The following SMAGP variants were observed in gnomAD, a reference collection of about 807,000 sequenced individuals.
The protein encoded by SMAGP is small cell adhesion glycoprotein.
SMAGP carries 7 observed loss-of-function variants against 10.1 expected under a neutral mutation model. The observed-to-expected ratio is 0.70, with a 90% CI of 0.40 to 1.31. The LOEUF (loss-of-function observed/expected upper bound fraction) is 1.31. SMAGP is among the 50% of genes most tolerant of loss of function. SMAGP has a pLI of 0.01. For synonymous variants in SMAGP, 49 were observed against 47.2 expected (o/e 1.04, Z -0.16); for missense variants, 113 against 116.5 (o/e 0.97, Z 0.14).
intron 2 of SMAGP, among the ~76,000 whole-genome samples, chr12:51,261,174 C>A (rs1175108389): frequency 6.8e-6 from 1 of 146,724 alleles, no homozygotes; most frequent in Non-Finnish European, 1.5e-5. Context: ...TGGCTCACTG[C>A]AACCTCCGCC....
intron 2 of SMAGP, among the ~76,000 whole-genome samples, chr12:51,252,690 G>A (rs541031366): frequency 9.4e-5 from 14 of 149,320 alleles, no homozygotes; most frequent in East Asian, 4.7e-4. Flanking sequence ...ATCGCCCCCC[G>A]AAGGACAATT....
intron 2 of SMAGP, among the ~76,000 whole-genome samples, chr12:51,247,291 C>CATTAT (rs1348395406): frequency 6.6e-6 from 1 of 152,178 alleles, no homozygotes; most frequent in Non-Finnish European, 1.5e-5. Context: ...TATATATTTA[C>CATTAT]ATTATATTAT....
chr12:51,267,993 T>A (rs77526173), intron 2 of SMAGP, among the ~76,000 whole-genome samples: 3,221 of 152,306 alleles, frequency 0.021, 50 homozygotes, highest in Non-Finnish European at 0.034. Context: ...CAAGGGTTTG[T>A]TCCTCTCTCT....
chr12:51,262,383 G>A (rs562061051), intron 2 of SMAGP, among the ~76,000 whole-genome samples: 1 of 152,298 alleles, frequency 6.6e-6, no homozygotes, highest in African/African-American at 2.4e-5. Context: ...GGGAGGCTGA[G>A]GTGGGAGGAT....
At chr12:51,246,197 G>C (rs1251360930) in intron 3 of SMAGP, 78 bp from the exon 4 acceptor site, 8 of 1,553,834 alleles carry the variant, frequency 5.1e-6, no homozygotes, top group Non-Finnish European at 6.1e-6. Context: ...ATCTGATTTA[G>C]TCACTGTTTT....
intron 2 of SMAGP, among the ~76,000 whole-genome samples, chr12:51,255,851 A>C (rs536742268): frequency 6.6e-6 from 1 of 151,988 alleles, no homozygotes; most frequent in South Asian, 2.1e-4. Flanking sequence ...AGCTTATTGC[A>C]GCCTCCGCCT....
chr12:51,247,760 T>C (rs1179040531), intron 2 of SMAGP, among the ~76,000 whole-genome samples: 3 of 152,168 alleles, frequency 2.0e-5, no homozygotes, highest in South Asian at 2.1e-4. Flanking sequence ...ACTCACCCAC[T>C]GCCTCCTCTT....
intron 2 of SMAGP, among the ~76,000 whole-genome samples, chr12:51,267,995 CCT>C (rs1944991126): frequency 6.6e-6 from 1 of 152,140 alleles, no homozygotes; most frequent in African/African-American, 2.4e-5. Flanking sequence ...AGGGTTTGTT[CCT>C]CTCTCTCCCT....
intron 2 of SMAGP, among the ~76,000 whole-genome samples, chr12:51,268,523 T>TA (rs1944996678): frequency 6.6e-6 from 1 of 152,190 alleles, no homozygotes; most frequent in South Asian, 2.1e-4. Flanking sequence ...CAGATGAATG[T>TA]AAAGCCCTTC....
At chr12:51,267,376 G>T (rs547340667) in intron 2 of SMAGP, among the ~76,000 whole-genome samples, 1 of 151,842 alleles carries the variant, frequency 6.6e-6, no homozygotes, top group African/African-American at 2.4e-5. Flanking sequence ...TACCTGCTGC[G>T]CCCCTTTGCC....
chr12:51,263,485 A>G (rs892027708), intron 2 of SMAGP, among the ~76,000 whole-genome samples: 7 of 152,182 alleles, frequency 4.6e-5, no homozygotes, highest in African/African-American at 1.7e-4. Flanking sequence ...GTGGTGAGGA[A>G]TAAGTGCAAT....
intron 2 of SMAGP, among the ~76,000 whole-genome samples, chr12:51,249,204 C>T (rs111763791): frequency 0.013 from 2,056 of 152,318 alleles, 19 homozygotes; most frequent in Non-Finnish European, 0.02. Context: ...CTACACATGT[C>T]CTCATTTGTA....
At chr12:51,255,125 T>C (rs1944874071) in intron 2 of SMAGP, among the ~76,000 whole-genome samples, 1 of 152,146 alleles carries the variant, frequency 6.6e-6, no homozygotes. Flanking sequence ...AGCCTCCACC[T>C]CCCAGGCTCA....
intron 2 of SMAGP, among the ~76,000 whole-genome samples, chr12:51,252,710 T>C (rs1469223417): frequency 1.3e-5 from 2 of 151,704 alleles, no homozygotes; most frequent in African/African-American, 4.8e-5. Flanking sequence ...TTAAAAAGCA[T>C]TATATTTGCA....
intron 2 of SMAGP, among the ~76,000 whole-genome samples, chr12:51,267,111 G>T (rs1944981190): frequency 6.6e-6 from 1 of 152,088 alleles, no homozygotes; most frequent in African/African-American, 2.4e-5. Context: ...GCAAGACTTG[G>T]TCTCAAAAAT....
intron 2 of SMAGP, among the ~76,000 whole-genome samples, chr12:51,264,116 A>G (rs1464678815): frequency 6.6e-6 from 1 of 152,084 alleles, no homozygotes. Flanking sequence ...AAGTCTTTAT[A>G]GACTGTGAGG....
chr12:51,251,692 A>T (rs1221462138), intron 2 of SMAGP: 1 of 152,184 alleles, frequency 6.6e-6, no homozygotes, highest in Admixed American at 6.6e-5. Context: ...GAACTGGCTC[A>T]CTGGTGATAG....
chr12:51,267,889 T>G (rs1188414301), intron 2 of SMAGP, among the ~76,000 whole-genome samples: 2 of 152,204 alleles, frequency 1.3e-5, no homozygotes. Flanking sequence ...ACTGGTGGTG[T>G]CACTCACCTG....
intron 2 of SMAGP, among the ~76,000 whole-genome samples, chr12:51,264,616 A>G (rs148817541): frequency 0.011 from 1,610 of 146,974 alleles, 14 homozygotes; most frequent in Non-Finnish European, 0.016. Context: ...ACAGAGTAAG[A>G]TCCCATCTCT....
Sources: allele counts gnomAD v4.1 joint callset (sites outside exome capture counted in the v4.1 genomes callset), GRCh38; gene constraint gnomAD v4.1.1; transcripts MANE v1.5; gene names NCBI Gene and HGNC (gene_info 2026-07-23, HGNC 2026-07-21).